PAPPA2: variants seen among roughly 807,000 people sequenced by gnomAD.
PAPPA2 encodes the protein pappalysin 2.
Under a neutral mutation model 176.4 loss-of-function variants are expected in PAPPA2, and 86 were observed. That is an observed-to-expected ratio of 0.49 (90% CI 0.41 to 0.58). The LOEUF (loss-of-function observed/expected upper bound fraction) is 0.58, where lower values mean the gene tolerates loss of function less well. PAPPA2 is among the 20% of genes least tolerant of loss of function. The pLI is 0.00. For synonymous variants in PAPPA2, 809 were observed against 852.2 expected, an observed-to-expected ratio of 0.95 and a Z score of 0.88; for missense variants, 2,073 against 2,256.9, an observed-to-expected ratio of 0.92 and a Z score of 1.65.
chr1:176,667,530 G>A (rs1002773294), intron 3 of PAPPA2, among the ~76,000 whole-genome samples: 1 of 152,144 alleles, frequency 6.6e-6, no homozygotes, highest in Non-Finnish European at 1.5e-5. Context: ...ATGCTAGTTG[G>A]TGCTTCCGGG....
chr1:176,472,858 T>C (rs1208681149), intron 1 of PAPPA2, among the ~76,000 whole-genome samples: 1 of 152,172 alleles, frequency 6.6e-6, no homozygotes, highest in East Asian at 1.9e-4. Context: ...TTCAAAAATT[T>C]CAAATAAACT....
intron 2 of PAPPA2, among the ~76,000 whole-genome samples, chr1:176,579,058 C>G (rs1347674987): frequency 6.6e-6 from 1 of 152,130 alleles, no homozygotes; most frequent in Non-Finnish European, 1.5e-5. Flanking sequence ...ATAACCCACT[C>G]TATCTGGTCT....
At chr1:176,809,960 G>A (rs1472327896) in intron 21 of PAPPA2, among the ~76,000 whole-genome samples, 2 of 65,152 alleles carry the variant, frequency 3.1e-5, no homozygotes, top group Non-Finnish European at 4.4e-5. Context: ...CAGTGTGTGT[G>A]TGTGTGTGTG....
chr1:176,730,575 G>T (rs1005091174), intron 12 of PAPPA2, among the ~76,000 whole-genome samples: 1 of 147,700 alleles, frequency 6.8e-6, no homozygotes, highest in African/African-American at 2.5e-5. Context: ...TTCATCTCTC[G>T]TTTTGTTCTC....
At chr1:176,673,154 A>T (rs1253521664) in intron 4 of PAPPA2, among the ~76,000 whole-genome samples, 1 of 152,128 alleles carries the variant, frequency 6.6e-6, no homozygotes, top group African/African-American at 2.4e-5. Flanking sequence ...AACAGTTCCA[A>T]AGGATTTTTG....
chr1:176,695,953 G>A (rs1228045014), intron 7 of PAPPA2, 94 bp downstream of exon 7: 9 of 1,371,356 alleles, frequency 6.6e-6, no homozygotes, highest in Middle Eastern at 2.6e-4. Flanking sequence ...TGACAAAAAG[G>A]CAATGTATGT....
At chr1:176,527,123 A>G (rs903220996) in intron 1 of PAPPA2, among the ~76,000 whole-genome samples, 4 of 152,142 alleles carry the variant, frequency 2.6e-5, no homozygotes, top group Admixed American at 1.3e-4. Flanking sequence ...GAATAAAACT[A>G]TTTAAACCTA....
At chr1:176,591,682 T>C (rs1653678295) in intron 2 of PAPPA2, among the ~76,000 whole-genome samples, 1 of 152,222 alleles carries the variant, frequency 6.6e-6, no homozygotes, top group Admixed American at 6.5e-5. Flanking sequence ...ACTTAGTCTG[T>C]TTCTGTGCAC....
intron 2 of PAPPA2, among the ~76,000 whole-genome samples, chr1:176,561,340 C>T (rs1651659196): frequency 6.6e-6 from 1 of 152,184 alleles, no homozygotes; most frequent in Non-Finnish European, 1.5e-5. Context: ...GGCTTGGCCA[C>T]TGTGTTTACT....
intron 12 of PAPPA2, among the ~76,000 whole-genome samples, chr1:176,727,321 C>T (rs930006039): frequency 1.3e-5 from 2 of 151,970 alleles, no homozygotes; most frequent in Non-Finnish European, 2.9e-5. Flanking sequence ...TTATGAAAAA[C>T]ACACTTCAAA....
At chr1:176,558,226 C>T (rs1651442104) in intron 2 of PAPPA2, among the ~76,000 whole-genome samples, 2 of 152,172 alleles carry the variant, frequency 1.3e-5, no homozygotes, top group African/African-American at 4.8e-5. Flanking sequence ...TTTGAATTAT[C>T]CACAGTGCTC....
rs540940967 is a variant in PAPPA2 at position 176,716,309 on chromosome 1, G to A, written c.3798+4328G>A. 2.8e-4 allele frequency among the ~76,000 whole-genome samples: 42 copies of A among 147,492 alleles called. No individual in the cohort carries two copies. In the South Asian group the frequency reaches 4.6e-3, roughly 16 times the overall value. On this transcript the variant is annotated intron_variant, in intron 12 of 22. Transcript: ENST00000367662. The stretch of plus-strand genomic sequence containing the variant: ...CACCTGGGCTGGAGTGCAATGGCGC[G>A]ATCTTGGCTCACTGCAACCTCTGCC...
At chr1:176,623,683 TTCTC>T (rs1232403745) in intron 3 of PAPPA2, among the ~76,000 whole-genome samples, 35 of 146,988 alleles carry the variant, frequency 2.4e-4, no homozygotes, top group Admixed American at 1.2e-3. Context: ...CTTTCTTTCT[TTCTC>T]TCTCTCTTTC....
chr1:176,837,801 T>G (rs1667332520), intron 21 of PAPPA2, among the ~76,000 whole-genome samples: 1 of 152,178 alleles, frequency 6.6e-6, no homozygotes, highest in African/African-American at 2.4e-5. Context: ...CTATATCCAG[T>G]CTTCAGATAT....
intron 3 of PAPPA2, among the ~76,000 whole-genome samples, chr1:176,655,011 G>C (rs1443508668): frequency 1.3e-5 from 2 of 151,786 alleles, no homozygotes; most frequent in African/African-American, 4.8e-5. Context: ...CATGTCATTA[G>C]TAAGCAGAGA....
At chr1:176,729,896 G>C (rs566260650) in intron 12 of PAPPA2, among the ~76,000 whole-genome samples, 1 of 151,792 alleles carries the variant, frequency 6.6e-6, no homozygotes, top group South Asian at 2.1e-4. Flanking sequence ...CCCTTGATTT[G>C]TATTAATTGA....
intron 3 of PAPPA2, among the ~76,000 whole-genome samples, chr1:176,629,879 A>AG (rs1311983589): frequency 6.6e-6 from 1 of 152,138 alleles, no homozygotes; most frequent in Non-Finnish European, 1.5e-5. Flanking sequence ...ACTAGGAAGA[A>AG]GGGGAGAGAA....
intron 8 of PAPPA2, among the ~76,000 whole-genome samples, chr1:176,701,288 A>C (rs1163167533): frequency 1.3e-5 from 2 of 152,174 alleles, no homozygotes; most frequent in Non-Finnish European, 2.9e-5. Flanking sequence ...GTTTTTCCTC[A>C]AGAAAAGTAA....
intron 20 of PAPPA2, 145 bp downstream of exon 20, chr1:176,793,814 A>G (rs915730984): frequency 3.2e-5 from 19 of 598,156 alleles, no homozygotes; most frequent in Admixed American, 7.7e-5. Context: ...AGAAGGATTA[A>G]ACATTGAAAA....
Sources: allele counts gnomAD v4.1 joint callset (sites outside exome capture counted in the v4.1 genomes callset), GRCh38; gene constraint gnomAD v4.1.1; transcripts MANE v1.5; gene names NCBI Gene and HGNC (gene_info 2026-07-23, HGNC 2026-07-21).